The following RNF13 variants were observed in gnomAD, a reference collection of about 807,000 sequenced individuals.
RNF13 encodes the protein ring finger protein 13, also known as E3 ubiquitin-protein ligase RNF13.
A neutral mutation model predicts 37.7 loss-of-function variants in RNF13; 19 were observed. That is an observed-to-expected ratio of 0.50 (90% CI 0.35 to 0.74). RNF13 has a LOEUF of 0.74. RNF13 is among the 30% of genes least tolerant of loss of function. The pLI is 0.01. For missense variants in RNF13, 375 were observed against 453.0 expected (o/e 0.83, Z 1.56); for synonymous variants, 144 against 157.8 (o/e 0.91, Z 0.65).
At chr3:149,828,748 A>G (rs1015531366) in intron 1 of RNF13, among the ~76,000 whole-genome samples, 1 of 152,014 alleles carries the variant, frequency 6.6e-6, no homozygotes, top group African/African-American at 2.4e-5. Context: ...ATGAATAATG[A>G]CTTGGTACGC....
At chr3:149,873,989 A>G (rs1412415993) in intron 4 of RNF13, among the ~76,000 whole-genome samples, 3 of 152,198 alleles carry the variant, frequency 2.0e-5, no homozygotes, top group Non-Finnish European at 4.4e-5. Flanking sequence ...TTATGTGTCT[A>G]ATATATTCTT....
chr3:149,911,224 A>G (rs994991896), intron 6 of RNF13, among the ~76,000 whole-genome samples: 1 of 152,222 alleles, frequency 6.6e-6, no homozygotes, highest in East Asian at 1.9e-4. Flanking sequence ...ATTTTTATCA[A>G]TACTGACGCT....
At chr3:149,826,325 A>G (rs1348225278) in intron 1 of RNF13, among the ~76,000 whole-genome samples, 1 of 152,240 alleles carries the variant, frequency 6.6e-6, no homozygotes, top group African/African-American at 2.4e-5. Context: ...TGTAAGGACT[A>G]TAGTGTAGGA....
At chr3:149,852,049 A>G (rs181996470) in intron 2 of RNF13, among the ~76,000 whole-genome samples, 1 of 152,336 alleles carries the variant, frequency 6.6e-6, no homozygotes, top group Non-Finnish European at 1.5e-5. Context: ...TTCAGCTTAT[A>G]CAAAATTGAC....
intron 7 of RNF13, among the ~76,000 whole-genome samples, chr3:149,917,980 C>T (rs184608707): frequency 9.5e-4 from 144 of 152,130 alleles, no homozygotes; most frequent in African/African-American, 3.2e-3. Flanking sequence ...TAATTTTCTG[C>T]GTTCTTTTTC....
chr3:149,961,436 CAT>C lies in RNF13; in HGVS notation c.*333_*334del, dbSNP rs551458431. ...GTATTTAAGTGTTTTGCGTTTTATA[CAT>C]GAGGTCAGTGCTACAGCCACCTAGC... is the stretch of plus-strand genomic sequence containing the variant. On this transcript the variant is annotated 3_prime_UTR_variant, in exon 10 of 10. Transcript: ENST00000392894. 24 of 463,382 alleles carry C rather than the reference CAT, an allele frequency of 5.2e-5. No homozygotes were observed. The highest frequency in any genetic ancestry group is 3.1e-4 in the Admixed American group (12 of 38,738). 28.7% of individuals were successfully genotyped at this position (463,382 alleles called of 1,614,324 possible).
intron 7 of RNF13, among the ~76,000 whole-genome samples, chr3:149,918,845 T>G (rs889346268): frequency 3.3e-5 from 5 of 152,114 alleles, no homozygotes; most frequent in African/African-American, 1.2e-4. Context: ...CTTTATTTTT[T>G]ACTTTTATTT....
intron 8 of RNF13, among the ~76,000 whole-genome samples, chr3:149,931,966 C>T (rs1719202250): frequency 6.6e-6 from 1 of 152,162 alleles, no homozygotes; most frequent in African/African-American, 2.4e-5. Flanking sequence ...TGGCTTATGT[C>T]ACTTAGTATC....
chr3:149,849,940 A>G (rs554730989), intron 2 of RNF13, among the ~76,000 whole-genome samples: 1 of 152,288 alleles, frequency 6.6e-6, no homozygotes, highest in South Asian at 2.1e-4. Flanking sequence ...GGTAATCACT[A>G]AGAATGGGAT....
intron 8 of RNF13, among the ~76,000 whole-genome samples, chr3:149,945,508 A>G (rs1209294697): frequency 6.6e-6 from 1 of 152,218 alleles, no homozygotes; most frequent in Non-Finnish European, 1.5e-5. Context: ...ATAGCCAAAC[A>G]AAAGGCAGCA....
intron 1 of RNF13, among the ~76,000 whole-genome samples, chr3:149,815,379 C>G (rs1719333211): frequency 6.6e-6 from 1 of 152,142 alleles, no homozygotes; most frequent in East Asian, 1.9e-4. Flanking sequence ...TAGGTGTGAC[C>G]TAGAAATGGT....
At chr3:149,832,302 G>A (rs1310812597) in intron 1 of RNF13, among the ~76,000 whole-genome samples, 1 of 152,172 alleles carries the variant, frequency 6.6e-6, no homozygotes. Context: ...TGTTTCATGA[G>A]TGTTATTTGG....
intron 3 of RNF13, among the ~76,000 whole-genome samples, chr3:149,853,455 G>GGAGAGAGAGAGAGAGAGAGAGA (rs397842025): frequency 3.4e-5 from 4 of 117,262 alleles, no homozygotes; most frequent in Admixed American, 9.0e-5. Context: ...AGAGAGAGAG[G>GGAGAGAGAGAGAGAGAGAGAGA]GAGAGAGAGA....
chr3:149,833,052 G>A (rs2050968896), intron 1 of RNF13, among the ~76,000 whole-genome samples: 1 of 150,614 alleles, frequency 6.6e-6, no homozygotes, highest in African/African-American at 2.4e-5. Context: ...TGGTACCAAA[G>A]TCAGACAAGG....
chr3:149,947,933 C>T (rs373820127), intron 8 of RNF13, among the ~76,000 whole-genome samples: 3 of 152,158 alleles, frequency 2.0e-5, no homozygotes, highest in East Asian at 3.9e-4. Context: ...CACCTTTTCA[C>T]TTTTAGCCTA....
chr3:149,844,087 A>G (rs1195647975), intron 1 of RNF13, among the ~76,000 whole-genome samples: 1 of 152,218 alleles, frequency 6.6e-6, no homozygotes, highest in Admixed American at 6.5e-5. Flanking sequence ...AATTAGGTAC[A>G]TACTTCTTCT....
chr3:149,831,966 A>G (rs1343154673), intron 1 of RNF13, among the ~76,000 whole-genome samples: 3 of 152,182 alleles, frequency 2.0e-5, no homozygotes, highest in South Asian at 4.1e-4. Context: ...CATTTGTAGG[A>G]AAAATAACCT....
chr3:149,908,328 T>C (rs1347944057), intron 6 of RNF13, among the ~76,000 whole-genome samples: 5 of 152,156 alleles, frequency 3.3e-5, no homozygotes, highest in African/African-American at 1.2e-4. Context: ...TGGACATATT[T>C]TCTCTTGAAA....
In RNF13 at chr3:149,958,076, A is replaced by G. The variant is rs896768739; in HGVS notation, c.701-1980A>G. The stretch of plus-strand genomic sequence containing the variant: ...CTACTTGGAACAATTCAAAGGATTG[A>G]TAAGAAAGCTCAGTGATTCCAAATC... On this transcript the variant is annotated intron_variant, in intron 8 of 9. Transcript: ENST00000392894. Among the ~76,000 whole-genome samples the G allele has an allele frequency of 2.0e-4, 31 of 152,264 alleles. 2 individuals carry two copies.
Sources: allele counts gnomAD v4.1 joint callset (sites outside exome capture counted in the v4.1 genomes callset), GRCh38; gene constraint gnomAD v4.1.1; transcripts MANE v1.5; gene names NCBI Gene and HGNC (gene_info 2026-07-23, HGNC 2026-07-21).